The following TIAM1 variants were observed in gnomAD, a reference collection of about 807,000 sequenced individuals.
The protein encoded by TIAM1 is rho guanine nucleotide exchange factor TIAM1.
In TIAM1, 65 loss-of-function variants were observed where a neutral mutation model predicts 163.5. The ratio of observed to expected loss-of-function variants is 0.40; its 90% CI spans 0.33 to 0.49. The LOEUF is 0.49. TIAM1 is among the 20% of genes least tolerant of loss of function. The pLI is 0.77. For synonymous variants in TIAM1, 833 were observed against 810.1 expected, an observed-to-expected ratio of 1.03 and a Z score of -0.48; for missense variants, 1,789 against 2,044.7, an observed-to-expected ratio of 0.87 and a Z score of 2.41.
intron 2 of TIAM1, among the ~76,000 whole-genome samples, chr21:31,355,044 A>T (rs1402967322): frequency 6.6e-6 from 1 of 152,126 alleles, no homozygotes; most frequent in Non-Finnish European, 1.5e-5. Context: ...AGATGAACTC[A>T]GCCCATTAAA....
intron 1 of TIAM1, among the ~76,000 whole-genome samples, chr21:31,490,459 G>C (rs9974536): frequency 0.46 from 69,515 of 151,818 alleles, 17,355 homozygotes; most frequent in African/African-American, 0.65. Context: ...AATAATAAAT[G>C]CCTAGTTGCC....
intron 1 of TIAM1, among the ~76,000 whole-genome samples, chr21:31,519,720 C>T (rs1052334955): frequency 2.0e-5 from 3 of 152,064 alleles, no homozygotes; most frequent in Admixed American, 6.6e-5. Context: ...ACTATTCAGC[C>T]TTAAAAGGGA....
intron 2 of TIAM1, among the ~76,000 whole-genome samples, chr21:31,392,266 C>T (rs1486750959): frequency 6.6e-6 from 1 of 152,024 alleles, no homozygotes; most frequent in Non-Finnish European, 1.5e-5. Flanking sequence ...GTATTGTCTG[C>T]CTTGTTAAAA....
In TIAM1 at chr21:31,516,604, A is replaced by G. The variant is rs958887580; in HGVS notation, c.-422+42323T>C. On this transcript the variant is annotated intron_variant, in intron 1 of 28. Transcript: ENST00000286827. ...AACGTCCTCTTGCCTCATTAGAGCC[A>G]CTGATTCCAAGCTTCCACCCTGCAA... Among the ~76,000 whole-genome samples the G allele has an allele frequency of 2.0e-5, 3 of 151,470 alleles. No homozygotes were observed. The Admixed American group carries it at 2.0e-4, about 10-fold the overall frequency.
intron 8 of TIAM1, among the ~76,000 whole-genome samples, chr21:31,219,746 A>G (rs1045373550): frequency 1.3e-5 from 2 of 150,800 alleles, no homozygotes; most frequent in Admixed American, 1.3e-4. Context: ...AAACAAAACA[A>G]AACAAAAAAA....
At chr21:31,297,289 A>C (rs2146941655) in intron 2 of TIAM1, among the ~76,000 whole-genome samples, 2 of 152,358 alleles carry the variant, frequency 1.3e-5, no homozygotes, top group Middle Eastern at 3.4e-3. Flanking sequence ...ATTGAGGCAG[A>C]AATAGAAAGG....
intron 4 of TIAM1, among the ~76,000 whole-genome samples, chr21:31,264,445 C>T (rs949459049): frequency 2.6e-5 from 4 of 152,172 alleles, no homozygotes; most frequent in Admixed American, 6.5e-5. Context: ...TCCTAAGAAC[C>T]AGGCACTATG....
chr21:31,380,769 C>T (rs2076765316), intron 2 of TIAM1, among the ~76,000 whole-genome samples: 1 of 151,980 alleles, frequency 6.6e-6, no homozygotes, highest in African/African-American at 2.4e-5. Flanking sequence ...GGGTCAAAAT[C>T]CTAAATTTAA....
intron 8 of TIAM1, among the ~76,000 whole-genome samples, chr21:31,221,048 A>G (rs1328014218): frequency 6.6e-6 from 1 of 152,182 alleles, no homozygotes; most frequent in Non-Finnish European, 1.5e-5. Context: ...CACTAAAAAG[A>G]AGAAAAAAAA....
chr21:31,365,538 G>A (rs1188370912), intron 2 of TIAM1, among the ~76,000 whole-genome samples: 9 of 151,582 alleles, frequency 5.9e-5, no homozygotes, highest in East Asian at 2.0e-4. Flanking sequence ...ACAGGCACCC[G>A]CCACCACGCC....
intron 2 of TIAM1, among the ~76,000 whole-genome samples, chr21:31,291,035 C>T (rs570717938): frequency 6.6e-5 from 10 of 152,112 alleles, no homozygotes; most frequent in African/African-American, 2.4e-4. Flanking sequence ...TTAATAAAAC[C>T]GCACCATATG....
intron 1 of TIAM1, among the ~76,000 whole-genome samples, chr21:31,506,058 C>A (rs1156694488): frequency 6.7e-6 from 1 of 150,044 alleles, no homozygotes; most frequent in Non-Finnish European, 1.5e-5. Context: ...AGGAAACGAC[C>A]AACTTGCTCA....
At chr21:31,246,871 T>G (rs1219018716) in intron 5 of TIAM1, among the ~76,000 whole-genome samples, 1 of 152,226 alleles carries the variant, frequency 6.6e-6, no homozygotes, top group African/African-American at 2.4e-5. Context: ...TGGGCTCTGC[T>G]TACAAGTCCT....
chr21:31,309,740 T>C (rs879330189), intron 2 of TIAM1, among the ~76,000 whole-genome samples: 5 of 152,174 alleles, frequency 3.3e-5, no homozygotes, highest in Non-Finnish European at 7.3e-5. Context: ...GAAGTCAGCA[T>C]AGATCCCTAT....
At chr21:31,189,197 G>A (rs1387324484) in intron 13 of TIAM1, among the ~76,000 whole-genome samples, 1 of 151,536 alleles carries the variant, frequency 6.6e-6, no homozygotes, top group Non-Finnish European at 1.5e-5. Context: ...TGGGATTACA[G>A]GCACACACCA....
At chr21:31,521,745 AACACACAC>A (rs35006738) in intron 1 of TIAM1, among the ~76,000 whole-genome samples, 6 of 146,972 alleles carry the variant, frequency 4.1e-5, no homozygotes, top group South Asian at 4.5e-4. Flanking sequence ...CTCACACACA[AACACACAC>A]ACACACACAC....
At chr21:31,397,545 C>T (rs903001963) in intron 2 of TIAM1, among the ~76,000 whole-genome samples, 4 of 152,176 alleles carry the variant, frequency 2.6e-5, no homozygotes, top group Non-Finnish European at 5.9e-5. Context: ...TTGACCAAAT[C>T]AGCTCCTGGT....
chr21:31,120,989 C>A lies in TIAM1; in HGVS notation c.4307-152G>T. On this transcript the variant is annotated intron_variant, in intron 27 of 27. Transcript: ENST00000541036. This position sits in a 1 kb window ranked among gnomAD's most constrained non-coding sequence, Gnocchi z 4.2. ...TTGGGGCTTAAAGTCTACATATCAC[C>A]AATCTGTCATGGAGCATTTACCTTG... 1 of 724,816 alleles carries A rather than the reference C, an allele frequency of 1.4e-6. No individual in the cohort carries two copies. The highest frequency in any genetic ancestry group is 2.2e-6 in the Non-Finnish European group (1 of 451,156). The allele number at this position is 724,816 out of a possible 1,614,324, so 44.9% of individuals were successfully genotyped here.
At chr21:31,550,062 T>C (rs1440051800) in intron 1 of TIAM1, among the ~76,000 whole-genome samples, 1 of 150,368 alleles carries the variant, frequency 6.7e-6, no homozygotes, top group African/African-American at 2.5e-5. Context: ...AGGTGGAGGC[T>C]ACAGTGAGCC....
Sources: allele counts gnomAD v4.1 joint callset (sites outside exome capture counted in the v4.1 genomes callset), GRCh38; gene constraint gnomAD v4.1.1; non-coding constraint Gnocchi (gnomAD v3.1); transcripts MANE v1.5; gene names NCBI Gene and HGNC (gene_info 2026-07-23, HGNC 2026-07-21).